DOCK3: variants seen among roughly 807,000 people sequenced by gnomAD.
DOCK3 encodes dedicator of cytokinesis 3, also known as dedicator of cytokinesis protein 3.
DOCK3 carries 60 observed loss-of-function variants against 265.6 expected under a neutral mutation model. The ratio of observed to expected loss-of-function variants is 0.23; its 90% confidence interval spans 0.18 to 0.28. The LOEUF is 0.28. DOCK3 is among the 10% of genes least tolerant of loss of function. The pLI is 1.00. For missense variants in DOCK3, 1,981 were observed against 2,594.3 expected (o/e 0.76, Z 5.14); for synonymous variants, 881 against 938.0 (o/e 0.94, Z 1.11).
chr3:51,294,677 CAAAAAAAAA>C (rs59339067), intron 27 of DOCK3, among the ~76,000 whole-genome samples: 4 of 119,864 alleles, frequency 3.3e-5, no homozygotes, highest in Admixed American at 1.8e-4. Context: ...GACTCTATCT[CAAAAAAAAA>C]AAAAAAAAAA....
intron 1 of DOCK3, among the ~76,000 whole-genome samples, chr3:50,759,318 A>G (rs2040387483): frequency 1.3e-5 from 2 of 152,080 alleles, no homozygotes; most frequent in African/African-American, 4.8e-5. Flanking sequence ...ACCATTTTAC[A>G]TCCCCACCAG....
intron 5 of DOCK3, among the ~76,000 whole-genome samples, chr3:51,033,766 A>G (rs1250465887): frequency 6.6e-6 from 1 of 152,136 alleles, no homozygotes; most frequent in African/African-American, 2.4e-5. Flanking sequence ...TCACAAATTG[A>G]TGTGGTGGGT....
intron 5 of DOCK3, among the ~76,000 whole-genome samples, chr3:50,960,992 A>G (rs977664659): frequency 5.3e-5 from 8 of 152,200 alleles, no homozygotes; most frequent in African/African-American, 1.9e-4. Context: ...GACCAAAAAT[A>G]TAAGGGAAAA....
At chr3:51,144,571 AG>A (rs1330465884) in intron 9 of DOCK3, among the ~76,000 whole-genome samples, 4 of 152,116 alleles carry the variant, frequency 2.6e-5, no homozygotes, top group African/African-American at 9.7e-5. Context: ...ATCTGACCAA[AG>A]CCCCTTTTCT....
chr3:51,249,410 T>C (rs1304253582), intron 22 of DOCK3, among the ~76,000 whole-genome samples: 15 of 125,448 alleles, frequency 1.2e-4, no homozygotes, highest in Middle Eastern at 0.011. Flanking sequence ...AGCCGCCCCG[T>C]CCGGGAGGTG....
chr3:50,996,876 C>G (rs2078306158), intron 5 of DOCK3, among the ~76,000 whole-genome samples: 1 of 152,202 alleles, frequency 6.6e-6, no homozygotes, highest in African/African-American at 2.4e-5. Context: ...CTGTCTCTGA[C>G]AGCACCTCTT....
intron 12 of DOCK3, among the ~76,000 whole-genome samples, chr3:51,200,791 A>T (rs1442780436): frequency 1.3e-5 from 2 of 152,120 alleles, no homozygotes; most frequent in African/African-American, 2.4e-5. Context: ...CGGGTTACCC[A>T]CAAAGGGAAG....
intron 3 of DOCK3, among the ~76,000 whole-genome samples, chr3:50,889,708 T>C (rs1056818825): frequency 6.6e-6 from 1 of 152,138 alleles, no homozygotes; most frequent in Admixed American, 6.6e-5. Flanking sequence ...TGACAAGTTC[T>C]GTACACAATA....
At chr3:50,913,932 T>C (rs1180220753) in intron 4 of DOCK3, among the ~76,000 whole-genome samples, 1 of 152,070 alleles carries the variant, frequency 6.6e-6, no homozygotes, top group Non-Finnish European at 1.5e-5. Context: ...TTAGTTCTCA[T>C]AAAGGTGCTT....
chr3:50,770,661 T>C (rs1403985492), intron 1 of DOCK3, among the ~76,000 whole-genome samples: 5 of 151,988 alleles, frequency 3.3e-5, no homozygotes, highest in African/African-American at 1.2e-4. Flanking sequence ...AGAACAAAAC[T>C]GGAGGAATCG....
chr3:51,372,800 T>C (rs1032883896), intron 49 of DOCK3, among the ~76,000 whole-genome samples: 3 of 152,240 alleles, frequency 2.0e-5, no homozygotes, highest in Non-Finnish European at 4.4e-5. Flanking sequence ...AGTTTCTTGC[T>C]GGGAAAGCAC....
In DOCK3 at chr3:51,360,625, C is replaced by T. The variant is rs376708124; in HGVS notation, c.4999C>T (p.Arg1667Trp). ...TCCGGAGAGCATCAAGATGACCCACCGGCACAGGTATGGCCTTAGGGCTGG... is the reference window on the plus strand; with the variant it reads ...TCCGGAGAGCATCAAGATGACCCACTGGCACAGGTATGGCCTTAGGGCTGG... ...MSPESIKMTH[R>W]HSPMNLMGTG... is the part of the protein sequence containing the mutation. The change falls in exon 47 of 53, where the codon CGG becomes TGG. Residue 1667 changes from arginine (R) to tryptophan (W), a missense_variant. Physicochemically the swap from Arg to Trp is moderately radical, Grantham distance 101. Coordinates refer to ENST00000266037, the MANE Select transcript of DOCK3 (RefSeq NM_004947.5). 19 of 1,613,814 alleles carry T rather than the reference C, an allele frequency of 1.2e-5. No individual in the cohort carries two copies. Among genetic ancestry groups the T allele is most frequent in the East Asian group, 4.5e-5 (2 of 44,862 alleles).
At chr3:51,017,066 A>G (rs559033778) in intron 5 of DOCK3, among the ~76,000 whole-genome samples, 16 of 147,008 alleles carry the variant, frequency 1.1e-4, no homozygotes, top group Non-Finnish European at 2.4e-4. Context: ...CTTGTTATTA[A>G]TCTGTTCAGG....
chr3:50,906,262 A>G (rs2049491998), intron 4 of DOCK3, among the ~76,000 whole-genome samples: 1 of 152,028 alleles, frequency 6.6e-6, no homozygotes, highest in African/African-American at 2.4e-5. Flanking sequence ...TGGTATCAGG[A>G]TGATGCTGGC....
chr3:50,880,123 T>C (rs913461894), intron 3 of DOCK3, among the ~76,000 whole-genome samples: 9 of 152,152 alleles, frequency 5.9e-5, no homozygotes, highest in African/African-American at 7.2e-5. Context: ...CTGGAACACA[T>C]TTAAAGCAGT....
At chr3:50,974,075 C>T (rs2077349526) in intron 5 of DOCK3, among the ~76,000 whole-genome samples, 1 of 150,842 alleles carries the variant, frequency 6.6e-6, no homozygotes, top group Admixed American at 6.6e-5. Flanking sequence ...AAAATTTTCT[C>T]CCATTTTGTA....
chr3:51,085,223 A>G (rs1266693980), intron 7 of DOCK3, among the ~76,000 whole-genome samples: 1 of 152,364 alleles, frequency 6.6e-6, no homozygotes, highest in East Asian at 1.9e-4. Flanking sequence ...CAATGCATTA[A>G]TAGTTGGGGA....
chr3:51,048,072 A>G (rs1394254024), intron 5 of DOCK3, among the ~76,000 whole-genome samples: 1 of 152,180 alleles, frequency 6.6e-6, no homozygotes, highest in Admixed American at 6.6e-5. Flanking sequence ...GGCTCAACAT[A>G]TACAAATTAA....
intron 12 of DOCK3, among the ~76,000 whole-genome samples, chr3:51,199,929 G>A (rs2088605126): frequency 6.6e-6 from 1 of 152,216 alleles, no homozygotes; most frequent in Non-Finnish European, 1.5e-5. Flanking sequence ...AACAGGGTCT[G>A]GAGTGGACCT....
Sources: allele counts gnomAD v4.1 joint callset (sites outside exome capture counted in the v4.1 genomes callset), GRCh38; gene constraint gnomAD v4.1.1; transcripts MANE v1.5; gene names NCBI Gene and HGNC (gene_info 2026-07-23, HGNC 2026-07-21).